Variants in ATR observed in about 807,000 individuals in gnomAD.
ATR encodes the protein serine/threonine-protein kinase ATR.
In ATR, 142 loss-of-function variants were observed where a neutral mutation model predicts 305.3. That is an observed-to-expected ratio of 0.47 (90% confidence interval 0.41 to 0.53). The LOEUF (loss-of-function observed/expected upper bound fraction) is 0.53. ATR is among the 20% of genes least tolerant of loss of function. The pLI is 0.00. For missense variants in ATR, 2,135 were observed against 3,133.1 expected, an observed-to-expected ratio of 0.68 and a Z score of 7.60; for synonymous variants, 1,050 against 1,068.1, an observed-to-expected ratio of 0.98 and a Z score of 0.33.
intron 15 of ATR, among the ~76,000 whole-genome samples, chr3:142,549,276 T>C (rs1295495052): frequency 6.6e-6 from 1 of 152,162 alleles, no homozygotes; most frequent in South Asian, 2.1e-4. Context: ...TATCCCATTA[T>C]GGTGAAATGA....
At chr3:142,553,792 TA>T (rs2034565004) in intron 11 of ATR, 32 bp downstream of exon 11, 2 of 1,610,588 alleles carry the variant, frequency 1.2e-6, no homozygotes, top group Admixed American at 3.3e-5. Flanking sequence ...TAGGTTGACG[TA>T]AACTCAAATG....
chr3:142,482,733 G>A (rs2030599732), intron 36 of ATR, among the ~76,000 whole-genome samples: 1 of 151,786 alleles, frequency 6.6e-6, no homozygotes, highest in South Asian at 2.1e-4. Context: ...CTACTAAGGA[G>A]GCTGAGGCAG....
chr3:142,528,061 TCTGTTTCTGTTGTTTAA>T (rs1216433904), intron 21 of ATR, among the ~76,000 whole-genome samples: 3 of 152,180 alleles, frequency 2.0e-5, no homozygotes, highest in Non-Finnish European at 4.4e-5. Flanking sequence ...ACAATAAATT[TCTGTTTCTGTTGTTTAA>T]AGTCATTCAG....
At chr3:142,557,171 C>CT (rs199726179) in intron 8 of ATR, among the ~76,000 whole-genome samples, 4 of 150,882 alleles carry the variant, frequency 2.7e-5, no homozygotes, top group Admixed American at 1.3e-4. Flanking sequence ...CTTTCTCTCT[C>CT]TTTTTTTTTA....
At chr3:142,533,486 A>G (rs560136932) in intron 21 of ATR, among the ~76,000 whole-genome samples, 4 of 152,306 alleles carry the variant, frequency 2.6e-5, no homozygotes, top group African/African-American at 9.6e-5. Flanking sequence ...TCTTAATTCA[A>G]TTGTATTCAA....
At chr3:142,529,630 A>C (rs1362940078) in intron 21 of ATR, among the ~76,000 whole-genome samples, 1 of 152,132 alleles carries the variant, frequency 6.6e-6, no homozygotes, top group African/African-American at 2.4e-5. Context: ...AAACCATATT[A>C]CTTCAATTCT....
At chr3:142,547,966 T>G in intron 15 of ATR, 56 bp from the exon 16 acceptor site, 1 of 1,461,042 alleles carries the variant, frequency 6.8e-7, no homozygotes, top group Non-Finnish European at 9.6e-7. Flanking sequence ...ATCCTGGAAA[T>G]AAGTATACTG....
intron 4 of ATR, 137 bp downstream of exon 4, chr3:142,562,095 T>C (rs2108486475): frequency 9.6e-7 from 1 of 1,036,694 alleles, no homozygotes; most frequent in East Asian, 2.6e-5. Flanking sequence ...CAGACTACAC[T>C]ATGAAAATCA....
At chr3:142,562,168 A>G in intron 4 of ATR, 64 bp downstream of exon 4, 1 of 1,522,530 alleles carries the variant, frequency 6.6e-7, no homozygotes, top group Non-Finnish European at 9.0e-7. Context: ...CATTTTGCAC[A>G]TATGTATACA....
Position 142,562,399 on chromosome 3 carries a change from T to G in ATR, c.1003A>C (p.Met335Leu). Residue 335 changes from methionine to leucine, a missense_variant, in exon 4 of 47, where the codon ATG becomes CTG. This residue lies in a region of ATR where 744 missense variants were observed against 873.2 expected (regional missense o/e 0.85). Transcript: ENST00000350721. The stretch of plus-strand genomic sequence containing the variant: ...TTTAGCAAATCAGACTTAAGCCGCA[T>G]GAGCACACCGTCTTCAAACATGACA... ...LCVMFEDGVLMRLKSDLLKAA... is the reference protein window; with the variant it reads ...LCVMFEDGVLLRLKSDLLKAA... The G allele has an allele frequency of 1.9e-6, 3 of 1,614,144 alleles. No homozygotes were observed. The highest frequency in any genetic ancestry group is 2.5e-6 in the Non-Finnish European group (3 of 1,180,004).
intron 36 of ATR, among the ~76,000 whole-genome samples, chr3:142,471,187 G>A (rs759986331): frequency 6.6e-6 from 1 of 152,098 alleles, no homozygotes; most frequent in Non-Finnish European, 1.5e-5. Flanking sequence ...CCTCATATAA[G>A]TGGAAACATA....
chr3:142,539,506 C>T (rs984711376), intron 18 of ATR, among the ~76,000 whole-genome samples: 3 of 151,994 alleles, frequency 2.0e-5, no homozygotes, highest in African/African-American at 7.2e-5. Context: ...TAAAAATCTA[C>T]GTTATCAAAA....
chr3:142,476,872 C>A (rs921166010), intron 36 of ATR, among the ~76,000 whole-genome samples: 1 of 152,110 alleles, frequency 6.6e-6, no homozygotes, highest in African/African-American at 2.4e-5. Flanking sequence ...AATAGGAGTT[C>A]ACTCATGATT....
At chr3:142,520,706 C>T (rs1179109939) in intron 23 of ATR, among the ~76,000 whole-genome samples, 1 of 151,580 alleles carries the variant, frequency 6.6e-6, no homozygotes, top group East Asian at 1.9e-4. Flanking sequence ...ACTCAAGGGG[C>T]GCTTCTTAAA....
intron 3 of ATR, among the ~76,000 whole-genome samples, 178 bp from the exon 4 acceptor site, chr3:142,563,287 C>T (rs1425070473): frequency 1.3e-5 from 2 of 152,178 alleles, no homozygotes; most frequent in African/African-American, 2.4e-5. Flanking sequence ...TTTTATTGCA[C>T]GTTGCAGATA....
chr3:142,540,884 A>G lies in ATR; in HGVS notation c.3581+20T>C. The G allele has an allele frequency of 3.8e-6, 6 of 1,580,802 alleles. No homozygotes were observed. Among genetic ancestry groups the G allele is most frequent in the Non-Finnish European group, 4.3e-6 (5 of 1,161,630 alleles). ...AAATGCAAAAAAAAAAAAAATTAAT[A>G]AACTCAGGCAGTCATTTACCTGCAA... On this transcript the variant is annotated intron_variant, in intron 18 of 46. Transcript: ENST00000350721.
intron 18 of ATR, 149 bp from the exon 19 acceptor site, chr3:142,538,774 A>C: frequency 2.9e-6 from 3 of 1,035,458 alleles, no homozygotes; most frequent in Non-Finnish European, 2.8e-6. Flanking sequence ...AGTGCTATAT[A>C]TTCAAATAAA....
At chr3:142,470,035 A>G (rs747615851) in intron 37 of ATR, 51 bp downstream of exon 37, 4 of 1,433,796 alleles carry the variant, frequency 2.8e-6, no homozygotes, top group Non-Finnish European at 3.9e-6. Flanking sequence ...CTGACTTTAT[A>G]CCAAAGTTAT....
At chr3:142,543,339 A>AGTTC (rs2108442446) in intron 16 of ATR, among the ~76,000 whole-genome samples, 1 of 150,392 alleles carries the variant, frequency 6.6e-6, no homozygotes, top group Admixed American at 6.7e-5. Flanking sequence ...TTCCTTCCTT[A>AGTTC]GTTCCTTCCT....
Sources: allele counts gnomAD v4.1 joint callset (sites outside exome capture counted in the v4.1 genomes callset), GRCh38; gene constraint gnomAD v4.1.1; regional missense constraint gnomAD v4.1.1; transcripts MANE v1.5; gene names NCBI Gene and HGNC (gene_info 2026-07-23, HGNC 2026-07-21).